JPH1: variants seen among roughly 807,000 people sequenced by gnomAD.
JPH1 encodes the protein junctophilin-1.
In JPH1, 12 loss-of-function variants were observed where a neutral mutation model predicts 53.6. The observed-to-expected ratio is 0.22, with a 90% CI of 0.14 to 0.36. The LOEUF (loss-of-function observed/expected upper bound fraction) is 0.36, where lower values mean the gene tolerates loss of function less well. Ranked by LOEUF, JPH1 falls within the 10% of genes least tolerant of loss-of-function variation. JPH1 has a pLI of 1.00. For missense variants in JPH1, 808 were observed against 905.5 expected (o/e 0.89, Z 1.38); for synonymous variants, 375 against 363.8 (o/e 1.03, Z -0.35).
intron 2 of JPH1, among the ~76,000 whole-genome samples, chr8:74,269,977 T>G (rs1253248378): frequency 6.6e-6 from 1 of 152,268 alleles, no homozygotes; most frequent in Non-Finnish European, 1.5e-5. Context: ...CTTGTATTCA[T>G]GCTTTCTCTG....
chr8:74,243,490 T>C (rs1270981231), intron 4 of JPH1, among the ~76,000 whole-genome samples: 8 of 152,230 alleles, frequency 5.3e-5, no homozygotes. Context: ...AAGCATAAGT[T>C]AACAGAGGAA....
chr8:74,287,765 C>G (rs985866315), intron 2 of JPH1, among the ~76,000 whole-genome samples: 7 of 151,602 alleles, frequency 4.6e-5, no homozygotes, highest in Admixed American at 2.6e-4. Flanking sequence ...ACATTTCATT[C>G]ACATCCACTG....
intron 3 of JPH1, among the ~76,000 whole-genome samples, chr8:74,255,109 A>G (rs1423705109): frequency 3.3e-5 from 5 of 152,172 alleles, no homozygotes; most frequent in Non-Finnish European, 7.3e-5. Flanking sequence ...CCAAAAGAAC[A>G]AAGCTGGAGG....
intron 2 of JPH1, among the ~76,000 whole-genome samples, chr8:74,290,190 C>A (rs528170180): frequency 2.0e-4 from 31 of 152,266 alleles, no homozygotes; most frequent in Middle Eastern, 3.4e-3. Context: ...AAGAGGAAGT[C>A]AAATTATCCC....
rs1236005503 is a variant in JPH1 at position 74,245,009 on chromosome 8, A to C, written c.1425T>G (p.Ser475=). The C allele has an allele frequency of 6.2e-7, 1 of 1,614,010 alleles. No homozygotes were observed. The highest frequency in any genetic ancestry group is 1.7e-5 in the Admixed American group (1 of 60,008). The change falls in exon 4 of 6, where the codon TCT becomes TCG. Residue 475 remains serine, a synonymous_variant. Transcript: ENST00000342232. The part of the protein sequence containing the change: ...SPEASPKHSH[S]PASSPKPLKK... ...TCAGGGGCTTTGGGGAGGAAGCAGG[A>C]GAGTGGCTGTGTTTGGGACTTGCCT...
chr8:74,245,207 G>T, intron 3 of JPH1, 32 bp from the exon 4 acceptor site: 1 of 1,531,690 alleles, frequency 6.5e-7, no homozygotes, highest in Non-Finnish European at 8.7e-7. Flanking sequence ...AAGAAAAAAA[G>T]AAAGGAGGTA....
At position 74,244,879 on chromosome 8, in the gene JPH1, G is replaced by A; in HGVS notation, c.1555C>T (p.Pro519Ser). ...IVNKPLMSKA[P>S]TKEAGAVVPQ... ...ACAACCGCTCCTGCCTCCTTCGTGG[G>A]AGCCTTTGACATCAAGGGCTTATTG... Residue 519 changes from proline to serine, a missense_variant, in exon 4 of 6, where the codon CCC becomes TCC. Pro to Ser is a moderately conservative substitution (Grantham distance 74). Transcript: ENST00000342232. 6.2e-7 allele frequency: 1 copy of A among 1,614,172 alleles called. No homozygotes were observed. The highest frequency in any genetic ancestry group is 1.1e-5 in the South Asian group (1 of 91,078).
chr8:74,311,812 G>T (rs1054022042), intron 2 of JPH1, among the ~76,000 whole-genome samples: 1 of 151,808 alleles, frequency 6.6e-6, no homozygotes, highest in African/African-American at 2.4e-5. Flanking sequence ...AGAATGATGA[G>T]TTCCAATTTC....
chr8:74,297,721 C>A (rs371925768), intron 2 of JPH1, among the ~76,000 whole-genome samples: 1 of 152,112 alleles, frequency 6.6e-6, no homozygotes, highest in African/African-American at 2.4e-5. Flanking sequence ...TGGAAAATGC[C>A]TTTTCTAAGG....
intron 3 of JPH1, among the ~76,000 whole-genome samples, chr8:74,247,923 G>C (rs757566091): frequency 1.3e-5 from 2 of 152,158 alleles, no homozygotes; most frequent in Non-Finnish European, 2.9e-5. Flanking sequence ...GTGACCTTCA[G>C]CACCATCAGT....
intron 3 of JPH1, among the ~76,000 whole-genome samples, chr8:74,257,505 C>G (rs1209348998): frequency 6.6e-6 from 1 of 152,156 alleles, no homozygotes; most frequent in African/African-American, 2.4e-5. Flanking sequence ...CAAAGCCGCT[C>G]AAGCCCAGTG....
intron 2 of JPH1, among the ~76,000 whole-genome samples, chr8:74,280,471 T>C (rs1378445598): frequency 1.3e-5 from 2 of 152,200 alleles, no homozygotes; most frequent in Non-Finnish European, 2.9e-5. Flanking sequence ...CACATAATAT[T>C]GGTTTTTAAT....
chr8:74,247,687 A>C (rs1202438227), intron 3 of JPH1, among the ~76,000 whole-genome samples: 1 of 152,202 alleles, frequency 6.6e-6, no homozygotes, highest in Non-Finnish European at 1.5e-5. Flanking sequence ...CATTTCACTT[A>C]GAAGATGTAA....
rs370075429 is a variant in JPH1, at chr8:74,315,646, G to A, written c.380-26C>T. On this transcript the variant is annotated intron_variant, in intron 1 of 5. Transcript: ENST00000342232. This position sits in a 1 kb window ranked among gnomAD's most constrained non-coding sequence, Gnocchi z 6.3. ...CTTGGAGAGACCGCAAGAAAGCACC[G>A]TGAGTCGGGGGCAGAGCTGCACCGT... is the stretch of plus-strand genomic sequence containing the variant. The A allele has an allele frequency of 3.6e-5, 56 of 1,567,888 alleles. No individual in the cohort carries two copies. The highest frequency in any genetic ancestry group is 4.7e-5 in the Non-Finnish European group (55 of 1,162,384).
chr8:74,268,931 C>T (rs185200225), intron 2 of JPH1, among the ~76,000 whole-genome samples: 30 of 152,324 alleles, frequency 2.0e-4, no homozygotes, highest in Non-Finnish European at 3.7e-4. Flanking sequence ...TAAATGCACA[C>T]TGTGGTGCTC....
At chr8:74,241,069 C>T (rs553778159) in intron 4 of JPH1, among the ~76,000 whole-genome samples, 6 of 152,062 alleles carry the variant, frequency 3.9e-5, no homozygotes, top group Admixed American at 2.6e-4. Flanking sequence ...TTCTTTTGCA[C>T]GCATACACAC....
At chr8:74,287,338 G>A (rs1034387629) in intron 2 of JPH1, among the ~76,000 whole-genome samples, 2 of 151,632 alleles carry the variant, frequency 1.3e-5, no homozygotes, top group Non-Finnish European at 2.9e-5. Context: ...GGAGACACGA[G>A]AATCGCGTGA....
intron 4 of JPH1, among the ~76,000 whole-genome samples, chr8:74,242,371 C>G (rs117758974): frequency 6.6e-6 from 1 of 152,152 alleles, no homozygotes. Flanking sequence ...TCACAACAAC[C>G]CTGTGATAGG....
intron 2 of JPH1, among the ~76,000 whole-genome samples, chr8:74,309,352 A>G (rs1807925261): frequency 6.6e-6 from 1 of 152,182 alleles, no homozygotes; most frequent in African/African-American, 2.4e-5. Context: ...CTGATATAAC[A>G]AAGTCAATAC....
Sources: allele counts gnomAD v4.1 joint callset (sites outside exome capture counted in the v4.1 genomes callset), GRCh38; gene constraint gnomAD v4.1.1; non-coding constraint Gnocchi (gnomAD v3.1); transcripts MANE v1.5; gene names NCBI Gene and HGNC (gene_info 2026-07-23, HGNC 2026-07-21).